Variants in CDK14 observed in about 807,000 individuals in gnomAD.
CDK14 encodes cyclin dependent kinase 14, also known as cyclin-dependent kinase 14.
CDK14 carries 34 observed loss-of-function variants against 60.7 expected under a neutral mutation model. The ratio of observed to expected loss-of-function variants is 0.56; its 90% CI spans 0.43 to 0.75. The LOEUF (loss-of-function observed/expected upper bound fraction) is 0.75. Ranked by LOEUF, CDK14 falls within the 30% of genes least tolerant of loss-of-function variation. CDK14 has a pLI of 0.00. For missense variants in CDK14, 482 were observed against 564.1 expected, an observed-to-expected ratio of 0.85 and a Z score of 1.47; for synonymous variants, 197 against 203.7, an observed-to-expected ratio of 0.97 and a Z score of 0.28.
At chr7:91,108,361 G>A (rs1799371227) in intron 12 of CDK14, among the ~76,000 whole-genome samples, 3 of 152,200 alleles carry the variant, frequency 2.0e-5, no homozygotes, top group Admixed American at 6.5e-5. Flanking sequence ...TTTACCATTC[G>A]TTTGAGTTGA....
chr7:91,070,038 C>A (rs1263453666), intron 11 of CDK14, among the ~76,000 whole-genome samples: 1 of 152,154 alleles, frequency 6.6e-6, no homozygotes, highest in African/African-American at 2.4e-5. Context: ...CCCAAGCAAT[C>A]CTCCCACCTC....
chr7:90,750,054 A>G (rs1321294522), intron 4 of CDK14, among the ~76,000 whole-genome samples: 2 of 152,138 alleles, frequency 1.3e-5, no homozygotes, highest in African/African-American at 2.4e-5. Context: ...AGCTGCTGAT[A>G]GAAATGCATA....
intron 11 of CDK14, among the ~76,000 whole-genome samples, chr7:91,046,896 G>C (rs563090435): frequency 6.6e-6 from 1 of 152,192 alleles, no homozygotes; most frequent in East Asian, 1.9e-4. Context: ...TAAATTATCA[G>C]TTCCAAAGAA....
intron 14 of CDK14, among the ~76,000 whole-genome samples, chr7:91,121,805 C>A (rs942611615): frequency 6.6e-6 from 1 of 152,152 alleles, no homozygotes; most frequent in Non-Finnish European, 1.5e-5. Flanking sequence ...ATGGGTAAGA[C>A]CCTTCTAAAG....
intron 10 of CDK14, among the ~76,000 whole-genome samples, chr7:90,992,200 G>A (rs116507468): frequency 0.033 from 5,018 of 152,278 alleles, 117 homozygotes; most frequent in South Asian, 0.097. Context: ...CTATAGAATA[G>A]CTAATCACAT....
At position 91,079,415 on chromosome 7, in the gene CDK14, T is replaced by G; in HGVS notation, c.1106-17T>G. 6.5e-7 allele frequency: 1 copy of G among 1,534,090 alleles called. No individual in the cohort carries two copies. ...TTTGATACAAAGATTGTTTATCATT[T>G]TTCTTTTTTATTTCAGAACGCTTTA... On this transcript the variant is annotated splice_polypyrimidine_tract_variant and intron_variant, in intron 11 of 14. Transcript: ENST00000380050.
At chr7:91,150,446 T>C (rs1800799637) in intron 14 of CDK14, among the ~76,000 whole-genome samples, 1 of 152,170 alleles carries the variant, frequency 6.6e-6, no homozygotes. Flanking sequence ...TTTTTCCAGA[T>C]TGGTCTAAAA....
chr7:91,041,615 C>A (rs2116001172), intron 10 of CDK14, among the ~76,000 whole-genome samples: 1 of 152,318 alleles, frequency 6.6e-6, no homozygotes, highest in East Asian at 1.9e-4. Context: ...CAATATGTAT[C>A]TTTACATTTA....
chr7:91,124,800 G>A (rs530459664), intron 14 of CDK14, among the ~76,000 whole-genome samples: 15 of 152,296 alleles, frequency 9.8e-5, no homozygotes, highest in Non-Finnish European at 1.5e-4. Flanking sequence ...GATGTGGCTA[G>A]TAACCACAAT....
intron 5 of CDK14, among the ~76,000 whole-genome samples, chr7:90,793,884 A>T (rs1160068877): frequency 6.6e-6 from 1 of 152,176 alleles, no homozygotes; most frequent in South Asian, 2.1e-4. Context: ...ACTTAACAGT[A>T]TATGCTATTT....
intron 8 of CDK14, among the ~76,000 whole-genome samples, chr7:90,940,475 A>G (rs1304876068): frequency 6.6e-6 from 1 of 152,094 alleles, no homozygotes; most frequent in East Asian, 1.9e-4. Context: ...CCATGCCCGT[A>G]AGTCTTTGTA....
At chr7:90,912,042 T>C (rs1207959214) in intron 7 of CDK14, among the ~76,000 whole-genome samples, 1 of 152,170 alleles carries the variant, frequency 6.6e-6, no homozygotes, top group Non-Finnish European at 1.5e-5. Flanking sequence ...CAATTTCTCA[T>C]TGGATTTTTA....
In CDK14 at chr7:90,818,886, ATG is replaced by A. The variant is rs10540162; in HGVS notation, c.544+28256_544+28257del. ...TCTCTCTATGTGTGTGTGTATATAT[ATG>A]TGTGTGTGTGTGTGTGTGTGTATAT... On this transcript the variant is annotated intron_variant, in intron 5 of 14. Coordinates refer to ENST00000380050, the MANE Select transcript of CDK14 (RefSeq NM_001287135.2). Among the ~76,000 whole-genome samples, 770 of 149,918 alleles carry A rather than the reference ATG, an allele frequency of 5.1e-3. 5 individuals carry two copies. The highest frequency in any genetic ancestry group is 0.015 in the African/African-American group (617 of 40,848).
chr7:91,125,449 AG>A (rs1396906515), intron 14 of CDK14, among the ~76,000 whole-genome samples: 1 of 152,204 alleles, frequency 6.6e-6, no homozygotes, highest in Admixed American at 6.6e-5. Flanking sequence ...AAAGCTTTTA[AG>A]AGCATCAAAT....
chr7:91,098,543 TAAAG>T (rs1160903493), intron 12 of CDK14, among the ~76,000 whole-genome samples: 1 of 122,164 alleles, frequency 8.2e-6, no homozygotes, highest in Admixed American at 8.2e-5. Flanking sequence ...AAAAAAGAAA[TAAAG>T]GCAAAAAGAG....
At chr7:90,599,782 A>G (rs982378176) in intron 1 of CDK14, among the ~76,000 whole-genome samples, 5 of 152,214 alleles carry the variant, frequency 3.3e-5, no homozygotes, top group South Asian at 2.1e-4. Context: ...GTATTATCCA[A>G]AAGTGTAGCT....
intron 2 of CDK14, among the ~76,000 whole-genome samples, chr7:90,641,005 T>C (rs1800314527): frequency 2.6e-5 from 4 of 151,802 alleles, no homozygotes. Flanking sequence ...TGTTGAACTT[T>C]ATTAGCCATC....
At chr7:90,997,182 C>A (rs539152036) in intron 10 of CDK14, among the ~76,000 whole-genome samples, 5 of 152,312 alleles carry the variant, frequency 3.3e-5, no homozygotes, top group Admixed American at 3.3e-4. Context: ...GTCTGCCTTG[C>A]ACTGCAGCTG....
chr7:91,000,986 G>A (rs564686126), intron 10 of CDK14, among the ~76,000 whole-genome samples: 12 of 152,262 alleles, frequency 7.9e-5, no homozygotes, highest in African/African-American at 2.9e-4. Flanking sequence ...ACTAAATTCA[G>A]AAATAGCAAC....
Sources: gnomAD v4.1 joint callset for allele counts (sites outside exome capture counted in the v4.1 genomes callset) on GRCh38, gnomAD v4.1.1 for gene constraint, MANE v1.5 for transcripts, NCBI Gene and HGNC (gene_info 2026-07-23, HGNC 2026-07-21) for gene names.